PTCH1: variants seen among roughly 807,000 people sequenced by gnomAD.
PTCH1 encodes the protein patched 1.
Under a neutral mutation model 144.6 loss-of-function variants are expected in PTCH1, and 14 were observed. The observed-to-expected ratio is 0.10, with a 90% CI of 0.06 to 0.15. PTCH1 has a LOEUF of 0.15. Ranked by LOEUF, PTCH1 falls within the 10% of genes least tolerant of loss-of-function variation. The probability of loss-of-function intolerance (pLI) is 1.00; values close to 1 mark genes in which losing one functional copy is unlikely to be tolerated. For synonymous variants in PTCH1, 833 were observed against 793.6 expected, an observed-to-expected ratio of 1.05 and a Z score of -0.83; for missense variants, 1,623 against 1,948.3, an observed-to-expected ratio of 0.83 and a Z score of 3.14.
chr9:95,490,095 C>T (rs971090316), intron 2 of PTCH1, among the ~76,000 whole-genome samples: 1 of 151,806 alleles, frequency 6.6e-6, no homozygotes, highest in African/African-American at 2.4e-5. Flanking sequence ...AGCCACTGCA[C>T]CTGGCCGGAC....
intron 2 of PTCH1, among the ~76,000 whole-genome samples, chr9:95,486,662 G>A (rs1841986651): frequency 6.6e-6 from 1 of 152,270 alleles, no homozygotes; most frequent in African/African-American, 2.4e-5. Context: ...CCAGCACGGG[G>A]TATGCCCAAA....
At chr9:95,489,851 A>G (rs1449267016) in intron 2 of PTCH1, among the ~76,000 whole-genome samples, 1 of 144,000 alleles carries the variant, frequency 6.9e-6, no homozygotes, top group African/African-American at 2.6e-5. Context: ...CCCAGGCTGG[A>G]GTGCAGTGGC....
chr9:95,468,782 T>C lies in PTCH1; in HGVS notation c.2219A>G (p.Tyr740Cys), dbSNP rs1156974460. ...WTLSSFAEKHYAPFLLKPKAK... is the reference protein window; with the variant it reads ...WTLSSFAEKHCAPFLLKPKAK... ...TTTTGGTTTCAAGAGGAAAGGAGCA[T>C]AGTGCTTCTCAGCAAAAGATGAGAG... Residue 740 changes from tyrosine (Y) to cysteine (C), a missense_variant, in exon 14 of 24, where the codon TAT (tyrosine) becomes TGT (cysteine). This residue lies in a region of PTCH1 where 179 missense variants were observed against 165.7 expected (regional missense o/e 1.08). Coordinates refer to ENST00000331920, the MANE Select transcript of PTCH1 (RefSeq NM_000264.5). 2.5e-6 allele frequency: 4 copies of C among 1,614,038 alleles called. No homozygotes were observed. The highest frequency in any genetic ancestry group is 1.3e-5 in the African/African-American group (1 of 74,908).
intron 2 of PTCH1, among the ~76,000 whole-genome samples, chr9:95,502,173 C>T (rs1320620336): frequency 6.6e-6 from 1 of 152,216 alleles, no homozygotes; most frequent in African/African-American, 2.4e-5. Context: ...ATGCCCCCTA[C>T]CCTCTCCCCT....
In PTCH1 at chr9:95,505,312, C is replaced by A. The variant is rs1440037344; in HGVS notation, c.394+1095G>T. Among the ~76,000 whole-genome samples, 5 of 152,318 alleles carry A rather than the reference C, an allele frequency of 3.3e-5. 1 individual carries two copies. The East Asian group carries it at 9.6e-4, about 29-fold the overall frequency. On this transcript the variant is annotated intron_variant, in intron 2 of 23. Coordinates refer to ENST00000331920, the MANE Select transcript of PTCH1 (RefSeq NM_000264.5). ...CTCCAGGTATTTTGGTTTGAATTAT[C>A]TACCTAGTCACCTCTACCCTCCCCT...
chr9:95,462,101 G>T (rs944564286), intron 15 of PTCH1, 103 bp from the exon 16 acceptor site: 251 of 1,357,710 alleles, frequency 1.8e-4, no homozygotes, highest in Non-Finnish European at 2.4e-4. Context: ...GGGGCTCTTA[G>T]ACGTCCATCA....
chr9:95,506,781 CA>C (rs1236614252), intron 1 of PTCH1, 182 bp from the exon 2 acceptor site: 47 of 1,076,474 alleles, frequency 4.4e-5, no homozygotes, highest in Non-Finnish European at 5.3e-5. Flanking sequence ...GGGGCTCGGT[CA>C]TAAAGCCGGG....
rs763941524 is a variant in PTCH1, at chr9:95,478,179, T to C, written c.1223A>G (p.His408Arg). 11 of 1,614,114 alleles carry C rather than the reference T, an allele frequency of 6.8e-6. No homozygotes were observed. In the African/African-American group the frequency reaches 1.2e-4, roughly 18 times the overall value. The change falls in exon 9 of 24, where the codon CAT becomes CGT. Residue 408 changes from histidine to arginine, a missense_variant. Transcript: ENST00000331920. ...AGTGGAGTTCTGTGCGACACTCTGA[T>C]GAACCACCTGTGGTCACAACAGAAT... Reference protein sequence around the residue: ...AWQRTYVEVVHQSVAQNSTQK... With the variant: ...AWQRTYVEVVRQSVAQNSTQK...
chr9:95,510,448 G>A (rs775342951), upstream of PTCH1, among the ~76,000 whole-genome samples: 22 of 152,204 alleles, frequency 1.4e-4, no homozygotes, highest in Non-Finnish European at 1.2e-4. Flanking sequence ...GGGAAAACAC[G>A]CGACCCTTTG....
intron 1 of PTCH1, among the ~76,000 whole-genome samples, chr9:95,515,042 A>T (rs1844303328): frequency 6.6e-6 from 1 of 152,164 alleles, no homozygotes; most frequent in Admixed American, 6.5e-5. Flanking sequence ...CCCTTGTTTT[A>T]CAACTTGGGC....
At chr9:95,503,733 A>AAAGATAATAATAGCTATTTTATTGAATC (rs1564083631) in intron 2 of PTCH1, among the ~76,000 whole-genome samples, 1 of 124,076 alleles carries the variant, frequency 8.1e-6, no homozygotes, top group African/African-American at 3.8e-5. Flanking sequence ...AAAACAAAAT[A>AAAGATAATAATAGCTATTTTATTGAATC]GGGCCGGGCG....
Position 95,468,777 on chromosome 9 carries a change from G to A in PTCH1, c.2224C>T (p.Pro742Ser), listed in dbSNP as rs1588573727. The stretch of plus-strand genomic sequence containing the variant: ...TTGGCTTTTGGTTTCAAGAGGAAAG[G>A]AGCATAGTGCTTCTCAGCAAAAGAT... ...LSSFAEKHYA[P>S]FLLKPKAKVV... Residue 742 changes from proline (P) to serine (S), a missense_variant, in exon 14 of 24, where the codon CCT becomes TCT. Pro to Ser is a moderately conservative substitution (Grantham distance 74). Coordinates refer to ENST00000331920, the MANE Select transcript of PTCH1 (RefSeq NM_000264.5). 9 of 1,614,172 alleles carry A rather than the reference G, an allele frequency of 5.6e-6. No homozygotes were observed. Among genetic ancestry groups the A allele is most frequent in the East Asian group, 2.2e-5 (1 of 44,884 alleles).
At chr9:95,464,823 A>C (rs1057068937) in intron 15 of PTCH1, among the ~76,000 whole-genome samples, 2 of 152,252 alleles carry the variant, frequency 1.3e-5, no homozygotes, top group East Asian at 3.8e-4. Flanking sequence ...GTCAGCAAGG[A>C]AAGCTGACTC....
rs864622100 is a variant in PTCH1 at position 95,446,928 on chromosome 9, C to T, written c.4328G>A (p.Gly1443Glu). The T allele has an allele frequency of 2.5e-6, 4 of 1,613,952 alleles. No individual in the cohort carries two copies. Among genetic ancestry groups the T allele is most frequent in the Non-Finnish European group, 3.4e-6 (4 of 1,180,048 alleles). Residue 1443 changes from glycine (G) to glutamate (E), a missense_variant, in exon 23 of 24, where the codon GGA becomes GAA. Coordinates refer to ENST00000331920, the MANE Select transcript of PTCH1 (RefSeq NM_000264.5). ...QDVECEERPR[G>E]SSSN ...GCACTCACCTCAGTTGGAGCTGCTT[C>T]CCCGGGGCCTCTCCTCGCATTCCAC...
In PTCH1 at chr9:95,496,550, GA is replaced by G. The variant is rs200432457; in HGVS notation, c.394+9856del. On this transcript the variant is annotated intron_variant, in intron 2 of 23. Coordinates refer to ENST00000331920, the MANE Select transcript of PTCH1 (RefSeq NM_000264.5). ...ACTGTAGCCTATTAAAAAAAAAAAA[GA>G]AAAAAAAAAGGGTCATCCTAGTCCC... is the stretch of plus-strand genomic sequence containing the variant. 7.3e-4 allele frequency among the ~76,000 whole-genome samples: 99 copies of G among 135,634 alleles called. 1 individual carries two copies. Among genetic ancestry groups the G allele is most frequent in the East Asian group, 5.0e-3 (23 of 4,622 alleles). 89.0% of individuals were successfully genotyped at this position (135,634 alleles called of 152,430 possible).
rs2136573158 is a variant in PTCH1, at chr9:95,447,042, T to G, written c.4214A>C (p.Asp1405Ala). The change falls in exon 23 of 24, where the codon GAC becomes GCC. Residue 1405 changes from aspartate (D) to alanine (A), a missense_variant. Coordinates refer to ENST00000331920, the MANE Select transcript of PTCH1 (RefSeq NM_000264.5). ...GTGGGGGTCCTCAAACAGGCCGTGG[T>G]CAGTCTCAGGGTAGCCTGGGCAGAG... is the stretch of plus-strand genomic sequence containing the variant. ...GGLCPGYPET[D>A]HGLFEDPHVP... The G allele has an allele frequency of 6.2e-7, 1 of 1,614,166 alleles. No individual in the cohort carries two copies. The highest frequency in any genetic ancestry group is 1.7e-5 in the Admixed American group (1 of 60,030).
At chr9:95,502,070 C>T (rs546702261) in intron 2 of PTCH1, among the ~76,000 whole-genome samples, 1 of 152,286 alleles carries the variant, frequency 6.6e-6, no homozygotes, top group East Asian at 1.9e-4. Flanking sequence ...CAGGCTCCCA[C>T]CCAACCTCAA....
At chr9:95,460,528 G>A (rs1372241014) in intron 16 of PTCH1, among the ~76,000 whole-genome samples, 1 of 152,044 alleles carries the variant, frequency 6.6e-6, no homozygotes, top group Non-Finnish European at 1.5e-5. Flanking sequence ...CTCATTCCTC[G>A]CTTTGGGTCT....
intron 20 of PTCH1, chr9:95,452,288 C>T (rs1240518499): frequency 6.6e-6 from 1 of 151,932 alleles, no homozygotes; most frequent in Non-Finnish European, 1.5e-5. Context: ...TTGAAACCCT[C>T]TTCTTTTTAC....
Sources: gnomAD v4.1 joint callset for allele counts (sites outside exome capture counted in the v4.1 genomes callset) on GRCh38, gnomAD v4.1.1 for gene constraint, gnomAD v4.1.1 regional missense constraint, MANE v1.5 for transcripts, NCBI Gene and HGNC (gene_info 2026-07-23, HGNC 2026-07-21) for gene names.